Variants in USH2A observed in about 807,000 individuals in gnomAD.
USH2A encodes the protein usherin.
A neutral mutation model predicts 538.9 loss-of-function variants in USH2A; 443 were observed. The ratio of observed to expected loss-of-function variants is 0.82; its 90% confidence interval spans 0.76 to 0.89. The LOEUF (loss-of-function observed/expected upper bound fraction) is 0.89. Ranked by LOEUF, USH2A falls within the 40% of genes least tolerant of loss-of-function variation. USH2A has a pLI of 0.00. For synonymous variants in USH2A, 2,413 were observed against 2,273.5 expected (o/e 1.06, Z -1.75); for missense variants, 6,633 against 6,324.8 (o/e 1.05, Z -1.65).
chr1:215,669,389 T>C (rs970154638), intron 64 of USH2A, among the ~76,000 whole-genome samples: 2 of 152,204 alleles, frequency 1.3e-5, no homozygotes, highest in African/African-American at 4.8e-5. Flanking sequence ...AGTATTTTGT[T>C]CCTTTATGAC....
At chr1:216,176,855 TG>T (rs1160861647) in intron 20 of USH2A, among the ~76,000 whole-genome samples, 1 of 152,192 alleles carries the variant, frequency 6.6e-6, no homozygotes, top group African/African-American at 2.4e-5. Flanking sequence ...GTTTCCTTCA[TG>T]TCTTTTCATC....
intron 3 of USH2A, among the ~76,000 whole-genome samples, chr1:216,368,071 G>A (rs1401463748): frequency 6.6e-6 from 1 of 152,006 alleles, no homozygotes; most frequent in African/African-American, 2.4e-5. Context: ...AAAACACTTT[G>A]GAAAGAAGAT....
intron 32 of USH2A, among the ~76,000 whole-genome samples, chr1:216,008,680 C>T (rs1266854234): frequency 6.6e-6 from 1 of 152,180 alleles, no homozygotes; most frequent in Non-Finnish European, 1.5e-5. Flanking sequence ...GCCCAAGGGA[C>T]ATCTCACCAA....
chr1:215,746,059 T>C (rs1232993339), intron 58 of USH2A, among the ~76,000 whole-genome samples: 1 of 142,548 alleles, frequency 7.0e-6, no homozygotes, highest in Non-Finnish European at 1.6e-5. Flanking sequence ...GGTCCTCGAA[T>C]AATGTTGTTT....
chr1:215,935,025 C>T (rs1020833272), intron 37 of USH2A, among the ~76,000 whole-genome samples: 3 of 151,962 alleles, frequency 2.0e-5, no homozygotes, highest in African/African-American at 7.2e-5. Flanking sequence ...TCACGGCAAT[C>T]GAAATAATTT....
intron 20 of USH2A, among the ~76,000 whole-genome samples, chr1:216,185,258 A>G (rs2034575732): frequency 6.6e-6 from 1 of 151,940 alleles, no homozygotes; most frequent in Admixed American, 6.6e-5. Context: ...TGTCACAGGC[A>G]TTGAAACTAA....
At chr1:215,753,705 A>C (rs1660696186) in intron 58 of USH2A, among the ~76,000 whole-genome samples, 1 of 152,160 alleles carries the variant, frequency 6.6e-6, no homozygotes, top group Non-Finnish European at 1.5e-5. Context: ...AGATATACCT[A>C]ATGTTAAATG....
At chr1:216,011,875 A>G (rs994896914) in intron 32 of USH2A, among the ~76,000 whole-genome samples, 1 of 148,992 alleles carries the variant, frequency 6.7e-6, no homozygotes, top group African/African-American at 2.5e-5. Flanking sequence ...CTGATACCAC[A>G]CCTGACACCC....
At position 216,073,309 on chromosome 1, in the gene USH2A, T is replaced by G; in HGVS notation, c.5573-9A>C. ...CATGCAACCACCGAAACCTAGCAAA[T>G]AGTAAGGGATTAGTATCGCATAAAG... On this transcript the variant is annotated splice_polypyrimidine_tract_variant and intron_variant, in intron 27 of 71. Transcript: ENST00000307340. The G allele has an allele frequency of 6.2e-7, 1 of 1,600,808 alleles. No individual in the cohort carries two copies. Among genetic ancestry groups the G allele is most frequent in the Non-Finnish European group, 8.5e-7 (1 of 1,176,548 alleles).
At chr1:215,685,457 G>A (rs1408582858) in intron 61 of USH2A, among the ~76,000 whole-genome samples, 3 of 151,166 alleles carry the variant, frequency 2.0e-5, no homozygotes, top group Non-Finnish European at 2.9e-5. Flanking sequence ...TCCTGGGTTC[G>A]AGCGATTCTC....
At chr1:215,996,289 G>A (rs916181645) in intron 34 of USH2A, among the ~76,000 whole-genome samples, 3 of 152,008 alleles carry the variant, frequency 2.0e-5, no homozygotes, top group Admixed American at 2.0e-4. Flanking sequence ...ATATTTTAAA[G>A]CACGAAGAAA....
At position 215,782,061 on chromosome 1, in the gene USH2A, C is replaced by T. The variant is rs1259758261; in HGVS notation, c.10721G>A (p.Gly3574Asp). The change falls in exon 54 of 72, where the codon GGC becomes GAC. Residue 3574 changes from glycine (G) to aspartate (D), a missense_variant. Transcript: ENST00000307340. The part of the protein sequence containing the change: ...SYQLKACTVA[G>D]CATSSKVVAA... ...TCTTACCTTGCTACTGGTGGCACAG[C>T]CAGCAACCGTGCAAGCTTTCAGCTG... is the stretch of plus-strand genomic sequence containing the variant. 6.2e-7 allele frequency: 1 copy of T among 1,613,988 alleles called. No homozygotes were observed. The highest frequency in any genetic ancestry group is 1.7e-5 in the Admixed American group (1 of 60,024).
In USH2A at chr1:215,634,885, C is replaced by T. The variant is rs143154241; in HGVS notation, c.15053-182G>A. On this transcript the variant is annotated intron_variant, in intron 69 of 71. Transcript: ENST00000307340. ...GGTTCAGCAGGTTGCTGGGTTATAA[C>T]GAGATGCTTACAGCCCTTGAGAGGC... Among the ~76,000 whole-genome samples, 96 of 152,302 alleles carry T rather than the reference C, an allele frequency of 6.3e-4. No homozygotes were observed. The South Asian group carries it at 8.3e-3, about 13-fold the overall frequency.
At chr1:215,755,237 C>T (rs1024133785) in intron 58 of USH2A, among the ~76,000 whole-genome samples, 6 of 152,158 alleles carry the variant, frequency 3.9e-5, no homozygotes, top group African/African-American at 1.4e-4. Context: ...ACACAAGCTT[C>T]CTAGGTGATT....
At chr1:216,113,155 A>C (rs1270359175) in intron 21 of USH2A, among the ~76,000 whole-genome samples, 1 of 147,566 alleles carries the variant, frequency 6.8e-6, no homozygotes, top group Non-Finnish European at 1.5e-5. Context: ...AAAAAAAAAA[A>C]ACAAAACAAG....
chr1:216,125,328 C>T (rs2033228572), intron 21 of USH2A, among the ~76,000 whole-genome samples: 1 of 152,092 alleles, frequency 6.6e-6, no homozygotes, highest in East Asian at 1.9e-4. Context: ...CCTTCTTCTC[C>T]TATCAGTGAA....
chr1:215,898,724 C>A (rs1444730734), intron 40 of USH2A, among the ~76,000 whole-genome samples: 2 of 152,214 alleles, frequency 1.3e-5, no homozygotes, highest in Non-Finnish European at 2.9e-5. Context: ...GATTACAAAT[C>A]TATCTTCAGT....
At position 215,830,449 on chromosome 1, in the gene USH2A, T is replaced by G. The variant is rs539980182; in HGVS notation, c.9371+7542A>C. Among the ~76,000 whole-genome samples, 148 of 151,708 alleles carry G rather than the reference T, an allele frequency of 9.8e-4. 1 individual carries two copies. The highest frequency in any genetic ancestry group is 1.1e-3 in the Non-Finnish European group (75 of 67,838). ...GTCCAAAGAATGTGGGGGAAGTCCT[T>G]GTTATTTTTTTTTCTCGAATTCCTC... is the stretch of plus-strand genomic sequence containing the variant. On this transcript the variant is annotated intron_variant, in intron 47 of 71. Coordinates refer to ENST00000307340, the MANE Select transcript of USH2A (RefSeq NM_206933.4).
chr1:216,106,070 G>A (rs113910576), intron 21 of USH2A, among the ~76,000 whole-genome samples: 5,524 of 149,440 alleles, frequency 0.037, 337 homozygotes, highest in African/African-American at 0.13. Flanking sequence ...TTATATTATC[G>A]TATTGTTTTA....
Sources: allele counts gnomAD v4.1 joint callset (sites outside exome capture counted in the v4.1 genomes callset), GRCh38; gene constraint gnomAD v4.1.1; transcripts MANE v1.5; gene names NCBI Gene and HGNC (gene_info 2026-07-23, HGNC 2026-07-21).